NCAPD3: variants seen among roughly 807,000 people sequenced by gnomAD.
NCAPD3 encodes condensin-2 complex subunit D3.
NCAPD3 carries 105 observed loss-of-function variants against 182.9 expected under a neutral mutation model. The ratio of observed to expected loss-of-function variants is 0.57; its 90% confidence interval spans 0.49 to 0.68. The LOEUF (loss-of-function observed/expected upper bound fraction) is 0.68, where lower values mean the gene tolerates loss of function less well. Among genes scored for constraint, NCAPD3 ranks in the 30% least tolerant of loss-of-function variants. NCAPD3 has a pLI of 0.00. For missense variants in NCAPD3, 1,944 were observed against 1,837.0 expected, an observed-to-expected ratio of 1.06 and a Z score of -1.07; for synonymous variants, 815 against 679.9, an observed-to-expected ratio of 1.20 and a Z score of -3.09.
intron 24 of NCAPD3, among the ~76,000 whole-genome samples, chr11:134,173,852 T>G (rs1944086016): frequency 6.6e-6 from 1 of 151,404 alleles, no homozygotes; most frequent in Admixed American, 6.6e-5. Context: ...TCCCAGCTAC[T>G]CGGGAGGCTG....
Position 134,173,524 on chromosome 11 carries a change from CG to C in NCAPD3, c.3101+2782del, listed in dbSNP as rs1944072681. The C allele has an allele frequency of 2.0e-5, 3 of 153,478 alleles. No homozygotes were observed. The Admixed American group carries it at 2.0e-4, about 10-fold the overall frequency. 9.5% of individuals were successfully genotyped at this position (153,478 alleles called of 1,614,324 possible). On this transcript the variant is annotated intron_variant, in intron 24 of 34. Transcript: ENST00000534548. ...CTGCTGGAGGATAGCAGCACTGGGG[CG>C]GCCCCACCATGCTGCAGCCCCTGGC...
intron 7 of NCAPD3, 99 bp downstream of exon 7, chr11:134,208,765 G>T: frequency 1.3e-6 from 1 of 760,152 alleles, no homozygotes; most frequent in South Asian, 1.7e-5. Context: ...CTAGTAAATT[G>T]AAATGGCATT....
chr11:134,224,902 G>GCCGCAGC (rs1245995057), upstream of NCAPD3: 1 of 197,504 alleles, frequency 5.1e-6, no homozygotes, highest in Non-Finnish European at 1.0e-5. Context: ...CTGCTCGGGC[G>GCCGCAGC]CCGCAGCCCG....
intron 24 of NCAPD3, among the ~76,000 whole-genome samples, chr11:134,171,496 A>C (rs1392462530): frequency 6.6e-6 from 1 of 152,072 alleles, no homozygotes; most frequent in African/African-American, 2.4e-5. Flanking sequence ...ATAAAGGCAG[A>C]CTCAAGAGTT....
intron 24 of NCAPD3, 143 bp from the exon 25 acceptor site, chr11:134,169,197 G>T: frequency 1.3e-6 from 1 of 753,962 alleles, no homozygotes; most frequent in Non-Finnish European, 1.9e-6. Flanking sequence ...AGTTCCCTCG[G>T]ATCCAAAGAA....
chr11:134,197,885 T>A (rs1565547591), intron 13 of NCAPD3, among the ~76,000 whole-genome samples: 1 of 152,188 alleles, frequency 6.6e-6, no homozygotes, highest in Non-Finnish European at 1.5e-5. Context: ...AACTTCCTCA[T>A]ATTGATGAAA....
At position 134,208,844 on chromosome 11, in the gene NCAPD3, T is replaced by C. The variant is rs1555142290; in HGVS notation, c.882+20A>G. 1.3e-6 allele frequency: 2 copies of C among 1,570,920 alleles called. No individual in the cohort carries two copies. The highest frequency in any genetic ancestry group is 8.7e-7 in the Non-Finnish European group (1 of 1,144,362). On this transcript the variant is annotated intron_variant, in intron 7 of 34. Transcript: ENST00000534548. The stretch of plus-strand genomic sequence containing the variant: ...CCTTCGATTCAACTAGTAACCAAAT[T>C]AGGTTCTCATCTCCTTTACCTTATC...
chr11:134,154,402 A>G (rs946673439), intron 32 of NCAPD3, among the ~76,000 whole-genome samples: 1 of 151,560 alleles, frequency 6.6e-6, no homozygotes, highest in Admixed American at 6.6e-5. Flanking sequence ...GCTCAGGTGC[A>G]CGCGTGCACA....
intron 16 of NCAPD3, among the ~76,000 whole-genome samples, chr11:134,188,143 G>T (rs1944449627): frequency 6.6e-6 from 1 of 152,126 alleles, no homozygotes; most frequent in Non-Finnish European, 1.5e-5. Flanking sequence ...CTAGCTAAAG[G>T]ATTGTAAATG....
At chr11:134,174,474 G>C (rs185634448) in intron 24 of NCAPD3, among the ~76,000 whole-genome samples, 3 of 149,598 alleles carry the variant, frequency 2.0e-5, no homozygotes, top group Admixed American at 2.0e-4. Flanking sequence ...TCAAAAGTCA[G>C]GCACAGAAAG....
In NCAPD3 at chr11:134,174,178, C is replaced by T. The variant is rs544637917; in HGVS notation, c.3101+2129G>A. 2.6e-5 allele frequency among the ~76,000 whole-genome samples: 4 copies of T among 151,792 alleles called. No individual in the cohort carries two copies. The South Asian group carries it at 8.3e-4, about 32-fold the overall frequency. ...GGCCGAGGTGGGTAGATTGCCTGAG[C>T]CCAGGAGTTGGAGACCAGCCTGGCA... is the stretch of plus-strand genomic sequence containing the variant. On this transcript the variant is annotated intron_variant, in intron 24 of 34. Coordinates refer to ENST00000534548, the MANE Select transcript of NCAPD3 (RefSeq NM_015261.3).
At chr11:134,194,554 A>C (rs1306219742) in intron 14 of NCAPD3, 111 bp downstream of exon 14, 15 of 640,972 alleles carry the variant, frequency 2.3e-5, no homozygotes, top group Non-Finnish European at 3.5e-5. Flanking sequence ...ACTAACAGTT[A>C]GGCGAAAAGC....
intron 27 of NCAPD3, among the ~76,000 whole-genome samples, chr11:134,163,406 GA>G (rs1943649061): frequency 6.6e-6 from 1 of 151,982 alleles, no homozygotes. Flanking sequence ...TTGTACTTAA[GA>G]AAGACTGCTG....
intron 22 of NCAPD3, 77 bp from the exon 23 acceptor site, chr11:134,177,534 C>A: frequency 7.8e-7 from 1 of 1,275,746 alleles, no homozygotes; most frequent in Non-Finnish European, 1.1e-6. Flanking sequence ...CCAGATACAT[C>A]TTGCTAATGG....
At chr11:134,220,521 A>G (rs768298135) in intron 2 of NCAPD3, 51 bp downstream of exon 2, 3 of 1,545,910 alleles carry the variant, frequency 1.9e-6, no homozygotes, top group Non-Finnish European at 2.7e-6. Flanking sequence ...AATGACTTTC[A>G]TCTTCTACTT....
At chr11:134,176,238 AAAAG>A (rs1328753210) in intron 24 of NCAPD3, 65 bp downstream of exon 24, 3 of 1,439,012 alleles carry the variant, frequency 2.1e-6, no homozygotes, top group Non-Finnish European at 2.9e-6. Context: ...ATCTGAAAAA[AAAAG>A]AAATCCAGCA....
At position 134,159,019 on chromosome 11, in the gene NCAPD3, G is replaced by A. The variant is rs901681993; in HGVS notation, c.3868-524C>T. ...TGACAAGATTTCACTTTTTATAGATGAAAAGTACTCCACTGTATATGCACC... is the reference window on the plus strand; with the variant it reads ...TGACAAGATTTCACTTTTTATAGATAAAAAGTACTCCACTGTATATGCACC... On this transcript the variant is annotated intron_variant, in intron 29 of 34. Coordinates refer to ENST00000534548, the MANE Select transcript of NCAPD3 (RefSeq NM_015261.3). 2.6e-5 allele frequency among the ~76,000 whole-genome samples: 4 copies of A among 152,202 alleles called. No individual in the cohort carries two copies. The South Asian group carries it at 8.3e-4, about 31-fold the overall frequency.
intron 27 of NCAPD3, among the ~76,000 whole-genome samples, chr11:134,165,431 T>A (rs929910081): frequency 9.4e-5 from 14 of 148,232 alleles, no homozygotes; most frequent in Non-Finnish European, 1.6e-4. Flanking sequence ...AGAAGCACAC[T>A]CGTGAGATGA....
intron 1 of NCAPD3, among the ~76,000 whole-genome samples, chr11:134,222,834 T>G (rs1375143103): frequency 2.0e-5 from 3 of 152,172 alleles, no homozygotes. Context: ...ATGAACAAAA[T>G]TGTTACAGTG....
Sources: gnomAD v4.1 joint callset for allele counts (sites outside exome capture counted in the v4.1 genomes callset) on GRCh38, gnomAD v4.1.1 for gene constraint, MANE v1.5 for transcripts, NCBI Gene and HGNC (gene_info 2026-07-23, HGNC 2026-07-21) for gene names.